TENM3: variants seen among roughly 807,000 people sequenced by gnomAD.
The protein encoded by TENM3 is teneurin transmembrane protein 3, also known as teneurin-3.
In TENM3, 63 loss-of-function variants were observed where a neutral mutation model predicts 255.1. The observed-to-expected ratio is 0.25, with a 90% CI of 0.20 to 0.30. TENM3 has a LOEUF of 0.30. TENM3 is among the 10% of genes least tolerant of loss of function. The pLI is 1.00. For synonymous variants in TENM3, 1,306 were observed against 1,322.3 expected (o/e 0.99, Z 0.27); for missense variants, 2,929 against 3,461.1 (o/e 0.85, Z 3.86).
At chr4:181,944,193 A>G in the TENM3 span, among the ~76,000 whole-genome samples, 1 of 152,164 alleles carries the variant, frequency 6.6e-6, no homozygotes, top group Non-Finnish European at 1.5e-5. Context: ...ATGATCTGCC[A>G]TCTGCCAGCT....
At chr4:182,124,106 C>T in the TENM3 span, among the ~76,000 whole-genome samples, 2 of 152,172 alleles carry the variant, frequency 1.3e-5, no homozygotes, top group Admixed American at 1.3e-4. Context: ...GGCTGGAGTG[C>T]AATGGCGTGA....
At chr4:181,703,696 G>A in the TENM3 span, among the ~76,000 whole-genome samples, 105 of 152,212 alleles carry the variant, frequency 6.9e-4, no homozygotes, top group African/African-American at 2.4e-3. Context: ...TTGAGCAGGT[G>A]GAAGCAATGT....
At chr4:181,645,248 T>C in the TENM3 span, among the ~76,000 whole-genome samples, 1 of 152,198 alleles carries the variant, frequency 6.6e-6, no homozygotes, top group South Asian at 2.1e-4. Context: ...GTTTTAGACC[T>C]GATTCTTCTA....
At chr4:182,732,568 A>C (rs889493539) in intron 16 of TENM3, among the ~76,000 whole-genome samples, 3 of 152,178 alleles carry the variant, frequency 2.0e-5, no homozygotes, top group African/African-American at 7.2e-5. Flanking sequence ...GCTCACTACT[A>C]TAATTCCAGC....
chr4:182,227,203 G>A (rs1446995092), intron 1 of TENM3, among the ~76,000 whole-genome samples: 1 of 152,104 alleles, frequency 6.6e-6, no homozygotes, highest in Admixed American at 6.5e-5. Flanking sequence ...TTTCTGTCCA[G>A]TGACCTCAGA....
At chr4:181,834,093 T>C in the TENM3 span, among the ~76,000 whole-genome samples, 1 of 151,210 alleles carries the variant, frequency 6.6e-6, no homozygotes, top group Non-Finnish European at 1.5e-5. Flanking sequence ...AAATGAGACT[T>C]ACGAGAAAAA....
chr4:181,523,213 T>TA, the TENM3 span, among the ~76,000 whole-genome samples: 1 of 152,176 alleles, frequency 6.6e-6, no homozygotes, highest in Non-Finnish European at 1.5e-5. Flanking sequence ...GTCTTTTATA[T>TA]ATGCAGATCT....
chr4:181,536,018 T>C, the TENM3 span, among the ~76,000 whole-genome samples: 4 of 152,178 alleles, frequency 2.6e-5, no homozygotes, highest in African/African-American at 9.7e-5. Flanking sequence ...TATTACCAAT[T>C]GGTAATACTT....
intron 22 of TENM3, chr4:182,772,563 T>G (rs966982361): frequency 2.6e-5 from 4 of 151,010 alleles, no homozygotes; most frequent in African/African-American, 9.7e-5. Context: ...TTTTTTTTTT[T>G]CTTTCTTCAG....
chr4:182,612,774 G>A (rs191758783), intron 4 of TENM3, among the ~76,000 whole-genome samples: 17 of 151,774 alleles, frequency 1.1e-4, no homozygotes, highest in Admixed American at 3.3e-4. Context: ...CACACAGTGG[G>A]AATTTTGTAA....
chr4:181,583,502 C>CTATA, the TENM3 span, among the ~76,000 whole-genome samples: 1 of 152,124 alleles, frequency 6.6e-6, no homozygotes, highest in Non-Finnish European at 1.5e-5. Context: ...TTATAGGCAG[C>CTATA]TATATGGATT....
chr4:182,487,865 A>C (rs1432762655), intron 3 of TENM3, among the ~76,000 whole-genome samples: 2 of 152,154 alleles, frequency 1.3e-5, no homozygotes, highest in African/African-American at 4.8e-5. Context: ...TATTAAATGC[A>C]GTGAAGCAGT....
the TENM3 span, among the ~76,000 whole-genome samples, chr4:181,690,225 C>T: frequency 8.2e-6 from 1 of 122,136 alleles, no homozygotes; most frequent in Non-Finnish European, 1.7e-5. Flanking sequence ...TATGAGGGCA[C>T]ATGCGCGTGA....
chr4:181,552,977 T>C, the TENM3 span, among the ~76,000 whole-genome samples: 4 of 152,174 alleles, frequency 2.6e-5, no homozygotes, highest in Non-Finnish European at 5.9e-5. Context: ...CTTTTGTCGA[T>C]GGTGCTTTTT....
chr4:181,786,910 C>T, the TENM3 span, among the ~76,000 whole-genome samples: 358 of 152,266 alleles, frequency 2.4e-3, 2 homozygotes, highest in Non-Finnish European at 4.2e-3. Context: ...TAAGACATAA[C>T]AAAAGCACAC....
chr4:182,386,336 G>T (rs558099980), intron 3 of TENM3, among the ~76,000 whole-genome samples: 60 of 152,364 alleles, frequency 3.9e-4, no homozygotes, highest in African/African-American at 1.4e-3. Context: ...TAGCACTGCT[G>T]AAGTGTTTGT....
chr4:181,535,469 T>A, the TENM3 span, among the ~76,000 whole-genome samples: 1 of 152,184 alleles, frequency 6.6e-6, no homozygotes, highest in Non-Finnish European at 1.5e-5. Flanking sequence ...GCCATTGCCA[T>A]CTTTGGCCCC....
the TENM3 span, among the ~76,000 whole-genome samples, chr4:181,925,225 G>A: frequency 3.9e-5 from 6 of 152,164 alleles, no homozygotes; most frequent in Non-Finnish European, 7.4e-5. Flanking sequence ...TGACAGTAAT[G>A]AACTTAGAAG....
At chr4:182,683,391 A>G (rs1473064744) in intron 11 of TENM3, among the ~76,000 whole-genome samples, 1 of 152,210 alleles carries the variant, frequency 6.6e-6, no homozygotes, top group Non-Finnish European at 1.5e-5. Flanking sequence ...GAACACCAAC[A>G]TGATGCTCAA....
Sources: gnomAD v4.1 joint callset for allele counts (sites outside exome capture counted in the v4.1 genomes callset) on GRCh38, gnomAD v4.1.1 for gene constraint, MANE v1.5 for transcripts, NCBI Gene and HGNC (gene_info 2026-07-23, HGNC 2026-07-21) for gene names.